Variants in NOX3 observed in about 807,000 individuals in gnomAD.
The protein encoded by NOX3 is NADPH oxidase catalytic subunit-like 3.
NOX3 carries 74 observed loss-of-function variants against 76.7 expected under a neutral mutation model. The observed-to-expected ratio is 0.96, with a 90% CI of 0.80 to 1.17. The LOEUF (loss-of-function observed/expected upper bound fraction) is 1.17, where lower values mean the gene tolerates loss of function less well. Among genes scored for constraint, NOX3 ranks in the 50% most tolerant of loss-of-function variants. NOX3 has a pLI of 0.00. For missense variants in NOX3, 695 were observed against 703.3 expected (o/e 0.99, Z 0.13); for synonymous variants, 263 against 261.1 (o/e 1.01, Z -0.07).
intron 5 of NOX3, among the ~76,000 whole-genome samples, chr6:155,442,232 C>A (rs138793256): frequency 6.6e-6 from 1 of 152,056 alleles, no homozygotes; most frequent in African/African-American, 2.4e-5. Context: ...CCACTGCACT[C>A]CAGCTCTGGC....
rs1777186198 is a variant in NOX3 at position 155,454,507 on chromosome 6, C to T, written c.255+304G>A. Reference sequence around the variant, plus strand: ...TCTCAAAAGCTTATCTGTCTTCTTTCAGTCAGAAACAATGATGGTTCCAGC... The same window carrying T: ...TCTCAAAAGCTTATCTGTCTTCTTTTAGTCAGAAACAATGATGGTTCCAGC... On this transcript the variant is annotated intron_variant, in intron 3 of 13. Transcript: ENST00000159060. Among the ~76,000 whole-genome samples, 6 of 152,292 alleles carry T rather than the reference C, an allele frequency of 3.9e-5. No individual in the cohort carries two copies. The South Asian group carries it at 1.2e-3, about 32-fold the overall frequency.
At chr6:155,444,220 A>G (rs900336455) in intron 4 of NOX3, among the ~76,000 whole-genome samples, 8 of 152,192 alleles carry the variant, frequency 5.3e-5, no homozygotes, top group African/African-American at 1.9e-4. Context: ...AACCACAATC[A>G]GAAAATATTG....
At chr6:155,423,417 A>G (rs953138426) in intron 9 of NOX3, among the ~76,000 whole-genome samples, 9 of 152,230 alleles carry the variant, frequency 5.9e-5, no homozygotes, top group African/African-American at 2.2e-4. Context: ...GAACTTCTAA[A>G]ACCCATTATT....
chr6:155,434,759 G>A (rs1173007028), intron 7 of NOX3, among the ~76,000 whole-genome samples: 2 of 152,268 alleles, frequency 1.3e-5, no homozygotes, highest in Non-Finnish European at 2.9e-5. Context: ...TATTTTCCAC[G>A]TAAGACAAGT....
chr6:155,453,694 C>T (rs1003564281), intron 3 of NOX3, among the ~76,000 whole-genome samples: 1 of 152,144 alleles, frequency 6.6e-6, no homozygotes, highest in Non-Finnish European at 1.5e-5. Flanking sequence ...AAATGATTGA[C>T]TTATTAGTTC....
chr6:155,446,348 C>T (rs1777064824), intron 4 of NOX3, among the ~76,000 whole-genome samples: 1 of 152,112 alleles, frequency 6.6e-6, no homozygotes, highest in Non-Finnish European at 1.5e-5. Flanking sequence ...TTCCTAATTG[C>T]TGTTTTCTGA....
chr6:155,452,373 G>A lies in NOX3; in HGVS notation c.340+1031C>T, dbSNP rs934956224. ...GGCCTTGGAATACAAAGATGAACCA[G>A]CCTTATTTCCTCCCCTTTATCTCTG... On this transcript the variant is annotated intron_variant, in intron 4 of 13. Transcript: ENST00000159060. Among the ~76,000 whole-genome samples, 7 of 152,276 alleles carry A rather than the reference G, an allele frequency of 4.6e-5. No homozygotes were observed. The Middle Eastern group carries it at 0.01, about 222-fold the overall frequency.
At chr6:155,403,289 A>G (rs1002585565) in intron 12 of NOX3, among the ~76,000 whole-genome samples, 1 of 152,222 alleles carries the variant, frequency 6.6e-6, no homozygotes, top group African/African-American at 2.4e-5. Flanking sequence ...GCCTTTTGAA[A>G]GGGTGGTGCT....
At chr6:155,451,217 A>G (rs1562473740) in intron 4 of NOX3, among the ~76,000 whole-genome samples, 4 of 152,058 alleles carry the variant, frequency 2.6e-5, no homozygotes, top group Admixed American at 6.6e-5. Flanking sequence ...GATCTCAGGT[A>G]ATCCACCCGC....
Position 155,396,814 on chromosome 6 carries a change from G to A in NOX3, c.*22C>T. ...GTATGATTGCAGCCACTTACACAAT[G>A]CCTGGACTTGACCTCCAAAGTCTAG... is the stretch of plus-strand genomic sequence containing the variant. On this transcript the variant is annotated 3_prime_UTR_variant, in exon 13 of 14. Transcript: ENST00000159060. The A allele has an allele frequency of 1.2e-6, 2 of 1,600,448 alleles. No homozygotes were observed. The highest frequency in any genetic ancestry group is 1.7e-6 in the Non-Finnish European group (2 of 1,172,836).
Position 155,422,702 on chromosome 6 carries a change from G to A in NOX3, c.1300C>T (p.Leu434=), listed in dbSNP as rs774610308. The A allele has an allele frequency of 3.7e-6, 6 of 1,614,002 alleles. No homozygotes were observed. Residue 434 remains leucine, a synonymous_variant, in exon 10 of 14, where the codon CTG becomes TTG. Coordinates refer to ENST00000159060, the MANE Select transcript of NOX3 (RefSeq NM_015718.3). The part of the protein sequence containing the change: ...KCSEAQTPLK[L]SKVYFYWICR... ...TAATGATTTTTCCGTACCTTGCTCAGCTTCAGTGGGGTCTGTGCCTCACTG... is the reference window on the plus strand; with the variant it reads ...TAATGATTTTTCCGTACCTTGCTCAACTTCAGTGGGGTCTGTGCCTCACTG...
intron 4 of NOX3, among the ~76,000 whole-genome samples, chr6:155,445,854 C>G (rs1019106869): frequency 7.5e-6 from 1 of 133,182 alleles, no homozygotes; most frequent in Non-Finnish European, 1.6e-5. Context: ...GTAGTGTTTT[C>G]TCTGCTGACA....
Position 155,438,203 on chromosome 6 carries a change from C to T in NOX3, c.669-1656G>A, listed in dbSNP as rs186567219. The stretch of plus-strand genomic sequence containing the variant: ...GTGCTTCAGGGGTTAACAACCCCGG[C>T]GTCGGGGGCAGAATCAGCAGTAGAA... On this transcript the variant is annotated intron_variant, in intron 6 of 13. Coordinates refer to ENST00000159060, the MANE Select transcript of NOX3 (RefSeq NM_015718.3). Among the ~76,000 whole-genome samples the T allele has an allele frequency of 1.7e-3, 256 of 152,160 alleles. 2 individuals carry two copies. Among genetic ancestry groups the T allele is most frequent in the African/African-American group, 5.9e-3 (246 of 41,522 alleles).
intron 4 of NOX3, among the ~76,000 whole-genome samples, chr6:155,445,538 T>C (rs1435506277): frequency 6.6e-6 from 1 of 152,188 alleles, no homozygotes. Context: ...TTTTCTGATT[T>C]GCAAAATTTT....
At chr6:155,455,215 T>A (rs1562475408) in intron 1 of NOX3, 86 bp from the exon 2 acceptor site, 9 of 790,216 alleles carry the variant, frequency 1.1e-5, no homozygotes, top group Non-Finnish European at 1.9e-5. Context: ...TCTTTTAAAG[T>A]GGAATGAAGA....
chr6:155,419,557 G>T (rs1027711697), intron 10 of NOX3, among the ~76,000 whole-genome samples: 48 of 152,042 alleles, frequency 3.2e-4, no homozygotes, highest in Admixed American at 2.8e-3. Context: ...CACCTGAGTC[G>T]TGTCCAAATA....
chr6:155,444,450 C>T (rs987453267), intron 4 of NOX3, among the ~76,000 whole-genome samples: 2 of 152,002 alleles, frequency 1.3e-5, no homozygotes, highest in Admixed American at 1.3e-4. Flanking sequence ...GGCCTCAAAG[C>T]GGAAAAGTAG....
At position 155,430,757 on chromosome 6, in the gene NOX3, TA is replaced by T. The variant is rs1370766909; in HGVS notation, c.891+85del. 2.7e-5 allele frequency: 21 copies of T among 786,424 alleles called. No homozygotes were observed. In the Admixed American group the frequency reaches 4.2e-4, roughly 16 times the overall value. 48.7% of individuals were successfully genotyped at this position (786,424 alleles called of 1,614,324 possible). ...CTCTAAATTACAGACAGTTCTGCAA[TA>T]AAAATGGCAAATTAAAAATTTGGGC... On this transcript the variant is annotated intron_variant, in intron 8 of 13. Transcript: ENST00000159060.
intron 8 of NOX3, among the ~76,000 whole-genome samples, chr6:155,430,329 G>A (rs1776816073): frequency 6.6e-6 from 1 of 152,060 alleles, no homozygotes; most frequent in Admixed American, 6.5e-5. Context: ...CTGCTCATGA[G>A]GGTAGAACTC....
Sources: gnomAD v4.1 joint callset for allele counts (sites outside exome capture counted in the v4.1 genomes callset) on GRCh38, gnomAD v4.1.1 for gene constraint, MANE v1.5 for transcripts, NCBI Gene and HGNC (gene_info 2026-07-23, HGNC 2026-07-21) for gene names.